Variants in SYNPR observed in about 807,000 individuals in gnomAD.
SYNPR encodes the protein synaptoporin.
In SYNPR, 23 loss-of-function variants were observed where a neutral mutation model predicts 32.9. The observed-to-expected ratio is 0.70, with a 90% confidence interval of 0.50 to 0.99. The LOEUF (loss-of-function observed/expected upper bound fraction) is 0.99. SYNPR is among the 50% of genes least tolerant of loss of function. SYNPR has a pLI of 0.00. For missense variants in SYNPR, 318 were observed against 349.3 expected (o/e 0.91, Z 0.71); for synonymous variants, 146 against 135.9 (o/e 1.07, Z -0.52).
intron 2 of SYNPR, among the ~76,000 whole-genome samples, chr3:63,256,193 T>C (rs1430816763): frequency 1.3e-5 from 2 of 152,166 alleles, no homozygotes; most frequent in Non-Finnish European, 2.9e-5. Context: ...GACTTAAATG[T>C]CCCTGTCTGA....
chr3:63,377,143 T>C lies in SYNPR; in HGVS notation c.84+98401T>C, dbSNP rs528743789. On this transcript the variant is annotated intron_variant, in intron 2 of 5. Transcript: ENST00000478300. ...AAATAAAATCCAAGATTAATGTTAA[T>C]AGATTCTGAAACATATCTGCTGCTA... Among the ~76,000 whole-genome samples the C allele has an allele frequency of 2.0e-5, 3 of 152,312 alleles. No individual in the cohort carries two copies. In the East Asian group the frequency reaches 5.8e-4, roughly 29 times the overall value.
At chr3:63,413,410 T>C (rs1273205479) in intron 2 of SYNPR, among the ~76,000 whole-genome samples, 1 of 152,206 alleles carries the variant, frequency 6.6e-6, no homozygotes, top group Non-Finnish European at 1.5e-5. Context: ...TTAAGTTAAA[T>C]AATGAGTAAA....
chr3:63,302,965 T>C (rs1426661358), intron 2 of SYNPR, among the ~76,000 whole-genome samples: 1 of 151,854 alleles, frequency 6.6e-6, no homozygotes, highest in Non-Finnish European at 1.5e-5. Flanking sequence ...ATCCCAAATA[T>C]ACTGATTCAA....
intron 2 of SYNPR, among the ~76,000 whole-genome samples, chr3:63,408,383 A>AGAAAGAAG (rs2088417561): frequency 6.7e-6 from 1 of 149,736 alleles, no homozygotes; most frequent in Admixed American, 6.7e-5. Context: ...AAAGAAAGAA[A>AGAAAGAAG]AGGAAGGAAG....
At chr3:63,263,624 C>A (rs1027377382) in intron 2 of SYNPR, among the ~76,000 whole-genome samples, 2 of 152,194 alleles carry the variant, frequency 1.3e-5, no homozygotes, top group Admixed American at 6.5e-5. Flanking sequence ...CAAGAAGTCA[C>A]ACTTCCAAAG....
At chr3:63,433,460 T>A (rs546032236) in intron 2 of SYNPR, among the ~76,000 whole-genome samples, 5 of 152,300 alleles carry the variant, frequency 3.3e-5, no homozygotes, top group South Asian at 4.1e-4. Context: ...AATGAACAGT[T>A]CACATGGCAT....
intron 2 of SYNPR, among the ~76,000 whole-genome samples, chr3:63,338,367 G>A (rs1338611778): frequency 1.3e-5 from 2 of 152,156 alleles, no homozygotes; most frequent in Non-Finnish European, 2.9e-5. Flanking sequence ...CCTTAAAATA[G>A]CAATGGAAGT....
intron 2 of SYNPR, among the ~76,000 whole-genome samples, chr3:63,257,495 A>T (rs923486753): frequency 4.4e-4 from 67 of 152,146 alleles, no homozygotes; most frequent in Middle Eastern, 3.4e-3. Context: ...GAGAAATAAA[A>T]TCCTTTACAG....
At chr3:63,383,805 T>G (rs1438520843) in intron 2 of SYNPR, among the ~76,000 whole-genome samples, 1 of 152,168 alleles carries the variant, frequency 6.6e-6, no homozygotes, top group African/African-American at 2.4e-5. Flanking sequence ...GTTTAATAAA[T>G]GGCTGGCAGT....
chr3:63,285,462 C>T (rs561022264), intron 2 of SYNPR, among the ~76,000 whole-genome samples: 249 of 152,240 alleles, frequency 1.6e-3, no homozygotes, highest in African/African-American at 5.8e-3. Context: ...TTATTTAAAT[C>T]GTGAGCAGCA....
At chr3:63,368,067 A>C (rs1404516184) in intron 2 of SYNPR, among the ~76,000 whole-genome samples, 1 of 152,224 alleles carries the variant, frequency 6.6e-6, no homozygotes, top group Non-Finnish European at 1.5e-5. Context: ...TTTGGCAGCA[A>C]GAAATTTTTA....
At chr3:63,266,714 A>AAAAAAAC (rs1408765855) in intron 2 of SYNPR, among the ~76,000 whole-genome samples, 1 of 150,000 alleles carries the variant, frequency 6.7e-6, no homozygotes, top group African/African-American at 2.4e-5. Context: ...TCTCAAAAAA[A>AAAAAAAC]AAAACACAAA....
intron 4 of SYNPR, among the ~76,000 whole-genome samples, chr3:63,595,331 C>A (rs1699914337): frequency 6.6e-6 from 1 of 151,960 alleles, no homozygotes. Flanking sequence ...CCCAGAATTC[C>A]TTTTGCTTAT....
intron 2 of SYNPR, among the ~76,000 whole-genome samples, chr3:63,479,674 T>C (rs565036936): frequency 2.6e-5 from 4 of 152,330 alleles, no homozygotes; most frequent in South Asian, 2.1e-4. Context: ...GACCTGGTGA[T>C]CTTGCCAGCT....
intron 2 of SYNPR, among the ~76,000 whole-genome samples, chr3:63,441,329 A>T (rs13065983): frequency 1.3e-5 from 2 of 151,908 alleles, no homozygotes; most frequent in Non-Finnish European, 2.9e-5. Flanking sequence ...TTGCAATGGG[A>T]CTCTTAATAT....
chr3:63,393,201 C>T (rs2088163107), intron 2 of SYNPR, among the ~76,000 whole-genome samples: 1 of 152,142 alleles, frequency 6.6e-6, no homozygotes, highest in South Asian at 2.1e-4. Flanking sequence ...TTTCTCTCTT[C>T]CCCCAATGAT....
At chr3:63,276,433 C>T (rs148850134), upstream of SYNPR, among the ~76,000 whole-genome samples, 1,091 of 152,176 alleles carry the variant, frequency 7.2e-3, 27 homozygotes, top group African/African-American at 0.025. Context: ...ATGCAGACTG[C>T]CCTAGATGGG....
At chr3:63,222,921 A>T in the SYNPR span, among the ~76,000 whole-genome samples, 2 of 151,854 alleles carry the variant, frequency 1.3e-5, no homozygotes, top group Non-Finnish European at 2.9e-5. Context: ...CATTTGTAAC[A>T]CCCCCCAAAT....
chr3:63,556,841 G>A, intron 4 of SYNPR, 100 bp downstream of exon 4: 2 of 1,128,678 alleles, frequency 1.8e-6, no homozygotes, highest in Non-Finnish European at 2.4e-6. Context: ...CGGGTTAGGT[G>A]TTTGAAAGGA....
Sources: gnomAD v4.1 joint callset for allele counts (sites outside exome capture counted in the v4.1 genomes callset) on GRCh38, gnomAD v4.1.1 for gene constraint, MANE v1.5 for transcripts, NCBI Gene and HGNC (gene_info 2026-07-23, HGNC 2026-07-21) for gene names.